The following SEC14L1 variants were observed in gnomAD, a reference collection of about 807,000 sequenced individuals.
SEC14L1 encodes SEC14-like protein 1.
A neutral mutation model predicts 85.3 loss-of-function variants in SEC14L1; 48 were observed. That is an observed-to-expected ratio of 0.56 (90% confidence interval 0.45 to 0.72). SEC14L1 has a LOEUF of 0.72. SEC14L1 is among the 30% of genes least tolerant of loss of function. The probability of loss-of-function intolerance (pLI) is 0.00; values close to 1 mark genes in which losing one functional copy is unlikely to be tolerated. For missense variants in SEC14L1, 682 were observed against 921.4 expected (o/e 0.74, Z 3.36); for synonymous variants, 391 against 355.5 (o/e 1.10, Z -1.12).
chr17:77,178,799 G>T (rs958255731), intron 3 of SEC14L1, among the ~76,000 whole-genome samples: 68 of 152,218 alleles, frequency 4.5e-4, no homozygotes, highest in African/African-American at 1.5e-3. Flanking sequence ...CTGGCACGCC[G>T]GCAGCGTGGC....
chr17:77,216,030 C>T lies in SEC14L1; in HGVS notation c.*2007C>T, dbSNP rs62649957. ...TCGTAGGTAGGGTTCGTAGGTAGGG[C>T]TAGTAGGTAGGGTTAGTAGGTAGGG... On this transcript the variant is annotated 3_prime_UTR_variant, in exon 17 of 17. Coordinates refer to ENST00000436233, the MANE Select transcript of SEC14L1 (RefSeq NM_001143998.2). 26 of 910,066 alleles carry T rather than the reference C, an allele frequency of 2.9e-5. No homozygotes were observed. In the African/African-American group the frequency reaches 3.7e-4, roughly 13 times the overall value. 56.4% of individuals were successfully genotyped at this position (910,066 alleles called of 1,614,324 possible).
chr17:77,168,798 G>T (rs1039597197), intron 3 of SEC14L1, among the ~76,000 whole-genome samples: 4 of 152,034 alleles, frequency 2.6e-5, no homozygotes, highest in Non-Finnish European at 5.9e-5. Flanking sequence ...TAATGGCATC[G>T]TCTGCATAAT....
intron 3 of SEC14L1, among the ~76,000 whole-genome samples, chr17:77,096,774 A>G (rs1971658697): frequency 6.6e-6 from 1 of 152,180 alleles, no homozygotes; most frequent in African/African-American, 2.4e-5. Flanking sequence ...TTCTGTGACC[A>G]AAAAGTTATG....
At position 77,203,643 on chromosome 17, in the gene SEC14L1, A is replaced by G. The variant is rs1976298024; in HGVS notation, c.1083A>G (p.Glu361=). Reference sequence around the variant, plus strand: ...GCTTGGTGAGAGCGCTCGGGGAGGAAGCCCTGCTGAGATACGTAAGTGCGC... The same window carrying G: ...GCTTGGTGAGAGCGCTCGGGGAGGAGGCCCTGCTGAGATACGTAAGTGCGC... ...TKGLVRALGE[E]ALLRYVLSIN... The change falls in exon 10 of 17, where the codon GAA becomes GAG. Residue 361 remains glutamate, a synonymous_variant. Coordinates refer to ENST00000436233, the MANE Select transcript of SEC14L1 (RefSeq NM_001143998.2). 3.1e-6 allele frequency: 5 copies of G among 1,613,342 alleles called. No homozygotes were observed. The highest frequency in any genetic ancestry group is 4.2e-6 in the Non-Finnish European group (5 of 1,179,754).
At position 77,213,044 on chromosome 17, in the gene SEC14L1, T is replaced by C. The variant is rs1976844582; in HGVS notation, c.1864-270T>C. ...CCTGCCAGGCTCCTGCCTCCGTAGG[T>C]GGGGTGGGCTGGGCAGGCCTCGTGA... On this transcript the variant is annotated intron_variant, in intron 15 of 16. Transcript: ENST00000436233. This position sits in a 1 kb window ranked among gnomAD's most constrained non-coding sequence, Gnocchi z 7.1. Among the ~76,000 whole-genome samples, 1 of 152,180 alleles carries C rather than the reference T, an allele frequency of 6.6e-6. No individual in the cohort carries two copies. Among genetic ancestry groups the C allele is most frequent in the South Asian group, 2.1e-4 (1 of 4,830 alleles).
upstream of SEC14L1, among the ~76,000 whole-genome samples, chr17:77,139,807 G>T (rs1373599565): frequency 6.6e-6 from 1 of 152,058 alleles, no homozygotes; most frequent in Admixed American, 6.6e-5. Flanking sequence ...CGGTGGATGT[G>T]ATTTCTACAA....
chr17:77,107,023 T>TC (rs1363301684), intron 3 of SEC14L1, among the ~76,000 whole-genome samples: 1 of 152,102 alleles, frequency 6.6e-6, no homozygotes, highest in Non-Finnish European at 1.5e-5. Context: ...AGTTCACACA[T>TC]CCCCCATGGG....
rs1458572744 is a variant in SEC14L1 at position 77,159,062 on chromosome 17, A to G, written c.63+15403A>G. Among the ~76,000 whole-genome samples the G allele has an allele frequency of 2.8e-5, 4 of 142,574 alleles. No individual in the cohort carries two copies. The East Asian group carries it at 6.2e-4, about 22-fold the overall frequency. The allele number at this position is 142,574 out of a possible 152,430, so 93.5% of individuals were successfully genotyped here. ...TTCGTGTGATCCACCCAACTGTAGT[A>G]TTTTTTTTGTTTTGTTGTTTCTGAA... On this transcript the variant is annotated intron_variant, in intron 3 of 16. Coordinates refer to ENST00000436233, the MANE Select transcript of SEC14L1 (RefSeq NM_001143998.2).
At chr17:77,209,209 C>A in intron 13 of SEC14L1, 133 bp from the exon 14 acceptor site, 3 of 1,013,380 alleles carry the variant, frequency 3.0e-6, no homozygotes, top group Non-Finnish European at 4.3e-6. Flanking sequence ...GTTTTACGAC[C>A]CTGCCAGTGT....
intron 3 of SEC14L1, among the ~76,000 whole-genome samples, chr17:77,124,492 A>C (rs1972386279): frequency 6.6e-6 from 1 of 152,150 alleles, no homozygotes; most frequent in South Asian, 2.1e-4. Flanking sequence ...GGGTCACGGG[A>C]GGTAGGCTGC....
At chr17:77,135,117 T>C (rs563959452) in intron 3 of SEC14L1, among the ~76,000 whole-genome samples, 3 of 152,168 alleles carry the variant, frequency 2.0e-5, no homozygotes, top group Non-Finnish European at 4.4e-5. Context: ...CTGTTACCCA[T>C]CTTTTGGCTC....
Position 77,111,393 on chromosome 17 carries a change from A to G in SEC14L1, c.-136+18046A>G, listed in dbSNP as rs183798296. The stretch of plus-strand genomic sequence containing the variant: ...ATTGTGGAGACCAAAGTTCTTTTGA[A>G]GTGTTTTTTTTTTTTTTGAGACAGA... On this transcript the variant is annotated intron_variant, in intron 3 of 19. Coordinates refer to the SEC14L1 transcript ENST00000392476. 2.1e-5 allele frequency among the ~76,000 whole-genome samples: 3 copies of G among 144,110 alleles called. No individual in the cohort carries two copies. In the East Asian group the frequency reaches 6.0e-4, roughly 29 times the overall value. 94.5% of individuals were successfully genotyped at this position (144,110 alleles called of 152,430 possible). A position where few individuals can be genotyped will look rare whatever the true frequency, so the allele number is the denominator to read the frequency against.
At position 77,200,645 on chromosome 17, in the gene SEC14L1, C is replaced by T. The variant is rs143920033; in HGVS notation, c.981C>T (p.Tyr327=). The change falls in exon 9 of 17, where the codon TAC becomes TAT. Residue 327 remains tyrosine, a synonymous_variant. Transcript: ENST00000436233. ...CTCCTCAGGTCCTTCAGGATTACTA[C>T]GCGGGAGGCTGGCATCATCACGACA... ...WTPPQVLQDY[Y]AGGWHHHDKD... 55 of 1,613,464 alleles carry T rather than the reference C, an allele frequency of 3.4e-5. No homozygotes were observed. Among genetic ancestry groups the T allele is most frequent in the Non-Finnish European group, 4.5e-5 (53 of 1,179,856 alleles).
intron 3 of SEC14L1, among the ~76,000 whole-genome samples, chr17:77,158,149 A>G (rs148928755): frequency 6.6e-6 from 1 of 152,320 alleles, no homozygotes; most frequent in Non-Finnish European, 1.5e-5. Context: ...TGGCCTTCCA[A>G]AGTGCTGGGA....
intron 3 of SEC14L1, among the ~76,000 whole-genome samples, chr17:77,098,328 A>G (rs958694762): frequency 3.0e-4 from 46 of 151,972 alleles, no homozygotes; most frequent in African/African-American, 1.0e-3. Flanking sequence ...GCAAAACCCC[A>G]TCTCTACTAA....
chr17:77,125,432 T>G lies in SEC14L1; in HGVS notation c.-135-17214T>G, dbSNP rs73376348. The stretch of plus-strand genomic sequence containing the variant: ...AGTCCTTAGATTCTGAAGTTGCAGG[T>G]TTTTTTTTTTTTCCTTTCCCCTATT... On this transcript the variant is annotated intron_variant, in intron 3 of 19. Transcript: ENST00000392476. Among the ~76,000 whole-genome samples, 744 of 102,132 alleles carry G rather than the reference T, an allele frequency of 7.3e-3. 7 individuals carry two copies. Among genetic ancestry groups the G allele is most frequent in the African/African-American group, 0.041 (720 of 17,452 alleles). 67.0% of individuals were successfully genotyped at this position (102,132 alleles called of 152,430 possible). A position where few individuals can be genotyped will look rare whatever the true frequency, so the allele number is the denominator to read the frequency against.
chr17:77,196,389 A>G, intron 8 of SEC14L1, 78 bp downstream of exon 8: 1 of 838,424 alleles, frequency 1.2e-6, no homozygotes, highest in Non-Finnish European at 1.9e-6. Flanking sequence ...CATAGTCACC[A>G]AGAGTGATAT....
intron 1 of SEC14L1, among the ~76,000 whole-genome samples, chr17:77,142,178 C>T (rs1170660977): frequency 6.6e-6 from 1 of 152,126 alleles, no homozygotes; most frequent in Non-Finnish European, 1.5e-5. Flanking sequence ...TAGCCGTTTT[C>T]ACACTGTCAG....
chr17:77,133,756 T>C (rs575550032), intron 3 of SEC14L1, among the ~76,000 whole-genome samples: 1 of 151,848 alleles, frequency 6.6e-6, no homozygotes, highest in Admixed American at 6.6e-5. Context: ...CTGGCCAAGA[T>C]GGAGAAACCC....
Sources: gnomAD v4.1 joint callset for allele counts (sites outside exome capture counted in the v4.1 genomes callset) on GRCh38, gnomAD v4.1.1 for gene constraint, Gnocchi (gnomAD v3.1) non-coding constraint, MANE v1.5 for transcripts, NCBI Gene and HGNC (gene_info 2026-07-23, HGNC 2026-07-21) for gene names.